Variants in GEMIN2 observed in about 807,000 individuals in gnomAD.
The protein encoded by GEMIN2 is gem nuclear organelle associated protein 2, also known as gem-associated protein 2.
Under a neutral mutation model 45.8 loss-of-function variants are expected in GEMIN2, and 37 were observed. The ratio of observed to expected loss-of-function variants is 0.81; its 90% confidence interval spans 0.62 to 1.06. The LOEUF (loss-of-function observed/expected upper bound fraction) is 1.06, where lower values mean the gene tolerates loss of function less well. GEMIN2 is among the 50% of genes least tolerant of loss of function. The probability of loss-of-function intolerance (pLI) is 0.00; values close to 1 mark genes in which losing one functional copy is unlikely to be tolerated. For synonymous variants in GEMIN2, 101 were observed against 111.5 expected, an observed-to-expected ratio of 0.91 and a Z score of 0.60; for missense variants, 335 against 321.8, an observed-to-expected ratio of 1.04 and a Z score of -0.31.
intron 9 of GEMIN2, chr14:39,134,448 T>G (rs1475538929): frequency 6.6e-6 from 1 of 152,254 alleles, no homozygotes; most frequent in Non-Finnish European, 1.5e-5. Context: ...ACACACATAT[T>G]TATTTTAGGT....
intron 1 of GEMIN2, 142 bp downstream of exon 1, chr14:39,114,617 T>G (rs563408443): frequency 1.3e-4 from 91 of 685,116 alleles, no homozygotes; most frequent in Non-Finnish European, 2.2e-4. Context: ...TGGGCGAGTT[T>G]CTGTTGAACG....
At position 39,133,675 on chromosome 14, in the gene GEMIN2, TGA is replaced by T; in HGVS notation, c.730_731del (p.Arg244GlyfsTer12). On this transcript the variant is annotated frameshift_variant, in exon 9 of 10. Transcript: ENST00000308317. LOFTEE classifies it high-confidence loss of function. ...VRLLVDSKDD[E>X]RVPALNLLIC... ...TTTTTTTTTAGGATAGCAAAGATGA[TGA>T]GAGGGTTCCTGCTTTGAATTTATTA... 2 of 1,511,200 alleles carry T rather than the reference TGA, an allele frequency of 1.3e-6. No homozygotes were observed. The highest frequency in any genetic ancestry group is 1.8e-6 in the Non-Finnish European group (2 of 1,113,888). The allele number at this position is 1,511,200 out of a possible 1,614,324, so 93.6% of individuals were successfully genotyped here.
intron 8 of GEMIN2, among the ~76,000 whole-genome samples, chr14:39,133,052 A>T (rs979291268): frequency 1.1e-4 from 15 of 142,214 alleles, no homozygotes; most frequent in Non-Finnish European, 1.9e-4. Context: ...TTATATATAT[A>T]TCTTTATATA....
chr14:39,133,231 AT>A (rs2052742921), intron 8 of GEMIN2, among the ~76,000 whole-genome samples: 1 of 146,968 alleles, frequency 6.8e-6, no homozygotes, highest in Non-Finnish European at 1.5e-5. Context: ...AGTGATAAAT[AT>A]ATTTATTCAT....
chr14:39,116,328 G>A (rs559226562), intron 2 of GEMIN2, among the ~76,000 whole-genome samples: 19 of 152,128 alleles, frequency 1.2e-4, no homozygotes, highest in African/African-American at 4.3e-4. Context: ...GAGCCACCAC[G>A]CCTGGCCAGC....
At chr14:39,135,048 GAC>G (rs1417942142) in intron 9 of GEMIN2, among the ~76,000 whole-genome samples, 1 of 151,970 alleles carries the variant, frequency 6.6e-6, no homozygotes, top group Admixed American at 6.6e-5. Context: ...TACAGATAAT[GAC>G]ACAGATTCAG....
At chr14:39,114,729 C>T in intron 1 of GEMIN2, 100 bp from the exon 2 acceptor site, 1 of 741,026 alleles carries the variant, frequency 1.3e-6, no homozygotes, top group Admixed American at 2.6e-5. Flanking sequence ...GAATTTTTTT[C>T]TGATTTCACA....
At chr14:39,128,067 CAAAAAAAAAAAAA>C (rs1212260025) in intron 6 of GEMIN2, among the ~76,000 whole-genome samples, 200 bp from the exon 7 acceptor site, 19 of 10,552 alleles carry the variant, frequency 1.8e-3, no homozygotes, top group Non-Finnish European at 4.2e-3. Flanking sequence ...GACTCTATCT[CAAAAAAAAAAAAA>C]AAAAAAAAAA....
At chr14:39,134,301 C>T (rs1026782794) in intron 9 of GEMIN2, 7 of 152,160 alleles carry the variant, frequency 4.6e-5, no homozygotes, top group African/African-American at 1.7e-4. Context: ...TCACTACAAC[C>T]TTCACCTCCT....
Position 39,128,357 on chromosome 14 carries a change from G to A in GEMIN2, c.600+9G>A, listed in dbSNP as rs1566535308. ...ACTTTACTCCAGAATTGGTAGTATT[G>A]CATGTTTTTCTTTTCATAATGTAGG... On this transcript the variant is annotated intron_variant, in intron 7 of 9. Coordinates refer to ENST00000308317, the MANE Select transcript of GEMIN2 (RefSeq NM_003616.3). 2.7e-6 allele frequency: 4 copies of A among 1,505,322 alleles called. No homozygotes were observed. Among genetic ancestry groups the A allele is most frequent in the East Asian group, 2.3e-5 (1 of 44,202 alleles). 93.2% of individuals were successfully genotyped at this position (1,505,322 alleles called of 1,614,324 possible).
chr14:39,115,608 C>A (rs755735093), intron 2 of GEMIN2, among the ~76,000 whole-genome samples: 2 of 151,856 alleles, frequency 1.3e-5, no homozygotes, highest in Non-Finnish European at 2.9e-5. Flanking sequence ...AGGCGCCCAC[C>A]ACCACACCCG....
chr14:39,133,837 T>C, intron 9 of GEMIN2, 118 bp downstream of exon 9: 1 of 563,484 alleles, frequency 1.8e-6, no homozygotes. Flanking sequence ...TCTGTTGCTA[T>C]AGTTAGGGTG....
intron 2 of GEMIN2, among the ~76,000 whole-genome samples, chr14:39,115,456 C>T (rs989586277): frequency 8.1e-6 from 1 of 123,834 alleles, no homozygotes; most frequent in Admixed American, 8.9e-5. Context: ...ATGTCTTACA[C>T]TTTTTTTTTT....
chr14:39,132,661 A>C (rs2052732144), intron 8 of GEMIN2, among the ~76,000 whole-genome samples: 1 of 129,748 alleles, frequency 7.7e-6, no homozygotes, highest in African/African-American at 2.8e-5. Context: ...CTGTAGCTTC[A>C]GCCTTTTTTT....
chr14:39,128,208 T>A lies in GEMIN2; in HGVS notation c.532-72T>A, dbSNP rs537126974. On this transcript the variant is annotated intron_variant, in intron 6 of 9. Coordinates refer to ENST00000308317, the MANE Select transcript of GEMIN2 (RefSeq NM_003616.3). ...ATCAGAGTTGCTTTCTAAATAAACTTAATGAAACTCATGTTGAATTCATGT... is the reference window on the plus strand; with the variant it reads ...ATCAGAGTTGCTTTCTAAATAAACTAAATGAAACTCATGTTGAATTCATGT... 5.0e-5 allele frequency: 43 copies of A among 851,754 alleles called. 1 individual carries two copies. In the South Asian group the frequency reaches 6.2e-4, roughly 12 times the overall value. The allele number at this position is 851,754 out of a possible 1,614,324, so 52.8% of individuals were successfully genotyped here.
At chr14:39,129,945 T>TG (rs2052695604) in intron 7 of GEMIN2, among the ~76,000 whole-genome samples, 33 of 135,416 alleles carry the variant, frequency 2.4e-4, no homozygotes, top group African/African-American at 9.8e-4. Context: ...TTTTTTTTTT[T>TG]TTTTTTTTTT....
intron 8 of GEMIN2, among the ~76,000 whole-genome samples, chr14:39,133,163 C>T (rs1413578923): frequency 1.0e-5 from 1 of 97,350 alleles, no homozygotes; most frequent in African/African-American, 3.3e-5. Flanking sequence ...TATATATATC[C>T]TCACATATAT....
intron 8 of GEMIN2, among the ~76,000 whole-genome samples, chr14:39,132,980 GTGTGTGTGTGTGTGTGTGTGTATATATA>G (rs879492442): frequency 0.081 from 11,283 of 138,998 alleles, 477 homozygotes; most frequent in African/African-American, 0.11. Flanking sequence ...CACCTGGTGT[GTGTGTGTGTGTGTGTGTGTGTATATATA>G]TGTGTGTGTG....
At chr14:39,131,229 A>C (rs8009864) in intron 7 of GEMIN2, among the ~76,000 whole-genome samples, 1 of 152,018 alleles carries the variant, frequency 6.6e-6, no homozygotes, top group Non-Finnish European at 1.5e-5. Context: ...CCCGGGAGGC[A>C]GAGGTTGCAG....
Sources: allele counts gnomAD v4.1 joint callset (sites outside exome capture counted in the v4.1 genomes callset), GRCh38; gene constraint gnomAD v4.1.1; transcripts MANE v1.5; gene names NCBI Gene and HGNC (gene_info 2026-07-23, HGNC 2026-07-21).